Variants in ZNF483 observed in about 807,000 individuals in gnomAD.
The protein encoded by ZNF483 is zinc finger protein 483, also known as zinc finger protein HIT-10.
A neutral mutation model predicts 28.6 loss-of-function variants in ZNF483; 9 were observed. The observed-to-expected ratio is 0.32, with a 90% CI of 0.19 to 0.55. The LOEUF is 0.55. Among genes scored for constraint, ZNF483 ranks in the 20% least tolerant of loss-of-function variants. The pLI is 0.93. For missense variants in ZNF483, 675 were observed against 871.7 expected (o/e 0.77, Z 2.84); for synonymous variants, 322 against 306.2 (o/e 1.05, Z -0.54).
chr9:111,560,974 TAGAGAGAGAGAGAG>T (rs1172194603), intron 5 of ZNF483, among the ~76,000 whole-genome samples: 1 of 9,344 alleles, frequency 1.1e-4, no homozygotes, highest in Non-Finnish European at 1.9e-4. Flanking sequence ...TATATATATA[TAGAGAGAGAGAGAG>T]AGAGAGAGAG....
rs1217080163 is a variant in ZNF483 at position 111,552,101 on chromosome 9, TG to T, written c.*8932del. ...AAATTTAGCTTGTTCATATGCAGCG[TG>T]ATATTAGGGAGAAAATGTGAATCAC... On this transcript the variant is annotated 3_prime_UTR_variant, in exon 6 of 6. Transcript: ENST00000309235. Among the ~76,000 whole-genome samples the T allele has an allele frequency of 2.0e-5, 3 of 152,194 alleles. No individual in the cohort carries two copies. The highest frequency in any genetic ancestry group is 2.9e-5 in the Non-Finnish European group (2 of 68,028).
chr9:111,538,272 T>A (rs954261885), intron 5 of ZNF483, among the ~76,000 whole-genome samples: 1 of 151,920 alleles, frequency 6.6e-6, no homozygotes, highest in Admixed American at 6.6e-5. Context: ...CTCAACACTT[T>A]GGGAGGTCAA....
At chr9:111,572,756 CAAAAAA>C (rs58101079) in intron 5 of ZNF483, among the ~76,000 whole-genome samples, 79 of 63,502 alleles carry the variant, frequency 1.2e-3, no homozygotes, top group African/African-American at 4.5e-3. Flanking sequence ...GACCCTGTCT[CAAAAAA>C]AAAAAAAAAA....
In ZNF483 at chr9:111,534,198, G is replaced by A. The variant is rs1827420940; in HGVS notation, c.629-63G>A. The A allele has an allele frequency of 1.2e-5, 16 of 1,361,454 alleles. No individual in the cohort carries two copies. In the South Asian group the frequency reaches 1.9e-4, roughly 16 times the overall value. 84.3% of individuals were successfully genotyped at this position (1,361,454 alleles called of 1,614,324 possible). On this transcript the variant is annotated intron_variant, in intron 4 of 5. Coordinates refer to ENST00000309235, the MANE Select transcript of ZNF483 (RefSeq NM_133464.5). ...CCTTGGAGAACCAGAGGCTATATGT[G>A]AATGCTGGGATATCTTTACTCTATG...
intron 1 of ZNF483, among the ~76,000 whole-genome samples, chr9:111,525,868 G>A (rs944338270): frequency 1.1e-4 from 17 of 152,236 alleles, no homozygotes; most frequent in Non-Finnish European, 2.1e-4. Context: ...GCTGTACTCG[G>A]AAGTGGGTTG....
At chr9:111,531,591 G>A (rs750505094) in intron 3 of ZNF483, among the ~76,000 whole-genome samples, 6 of 152,170 alleles carry the variant, frequency 3.9e-5, no homozygotes, top group Non-Finnish European at 4.4e-5. Context: ...TGGCCAGGCT[G>A]ATCTCAAACT....
At position 111,545,610 on chromosome 9, in the gene ZNF483, G is replaced by C. The variant is rs1219277177; in HGVS notation, c.*2440G>C. ...TCTAATCCCAGGCACCCACTACTCA[G>C]TCGACTTTGTGTCTCTAGAGTTGTC... On this transcript the variant is annotated 3_prime_UTR_variant, in exon 6 of 6. Coordinates refer to ENST00000309235, the MANE Select transcript of ZNF483 (RefSeq NM_133464.5). 1.3e-5 allele frequency among the ~76,000 whole-genome samples: 2 copies of C among 152,088 alleles called. No homozygotes were observed. The highest frequency in any genetic ancestry group is 4.8e-5 in the African/African-American group (2 of 41,404).
chr9:111,559,481 A>G (rs1564606981), downstream of ZNF483, among the ~76,000 whole-genome samples: 1 of 151,928 alleles, frequency 6.6e-6, no homozygotes, highest in Non-Finnish European at 1.5e-5. Context: ...CATCTGGGAA[A>G]CCCTGCTATG....
At chr9:111,563,235 T>C (rs759819092) in intron 5 of ZNF483, 2 of 1,608,366 alleles carry the variant, frequency 1.2e-6, no homozygotes, top group Non-Finnish European at 1.7e-6. Flanking sequence ...TTTTACCCTG[T>C]ATCAAAGCAA....
chr9:111,542,411 G>C lies in ZNF483; in HGVS notation c.1476G>C (p.Glu492Asp). Residue 492 changes from glutamate to aspartate, a missense_variant, in exon 6 of 6, where the codon GAG (glutamate) becomes GAC (aspartate). Glu to Asp is a conservative substitution (Grantham distance 45, BLOSUM62 2). Transcript: ENST00000309235. This position sits in a 1 kb window ranked among gnomAD's most constrained non-coding sequence, Gnocchi z 6.2. ...CACATCATAGAACTCATAGTGGAGA[G>C]AAACCCTTCAAATGTGATGACTGTG... ...LTPHHRTHSGEKPFKCDDCGK... is the reference protein window; with the variant it reads ...LTPHHRTHSGDKPFKCDDCGK... The C allele has an allele frequency of 6.2e-7, 1 of 1,614,048 alleles. No individual in the cohort carries two copies. Among genetic ancestry groups the C allele is most frequent in the Non-Finnish European group, 8.5e-7 (1 of 1,180,000 alleles).
intron 5 of ZNF483, among the ~76,000 whole-genome samples, chr9:111,536,805 A>G (rs936052374): frequency 1.3e-5 from 2 of 152,042 alleles, no homozygotes; most frequent in Non-Finnish European, 2.9e-5. Flanking sequence ...CCTTATTGAT[A>G]ACATAAACAT....
Position 111,545,674 on chromosome 9 carries a change from G to GT in ZNF483, c.*2511dup, listed in dbSNP as rs887676377. ...TTTATGTTATATGTGATCTTTCTGT[G>GT]TTTTTTTCATTAATGTGTTTTAAGT... is the stretch of plus-strand genomic sequence containing the variant. On this transcript the variant is annotated 3_prime_UTR_variant, in exon 6 of 6. Coordinates refer to ENST00000309235, the MANE Select transcript of ZNF483 (RefSeq NM_133464.5). Among the ~76,000 whole-genome samples, 5 of 152,022 alleles carry GT rather than the reference G, an allele frequency of 3.3e-5. No individual in the cohort carries two copies. In the East Asian group the frequency reaches 5.8e-4, roughly 18 times the overall value.
At chr9:111,541,582 T>G in intron 5 of ZNF483, 75 bp from the exon 6 acceptor site, 2 of 1,190,918 alleles carry the variant, frequency 1.7e-6, no homozygotes, top group South Asian at 1.6e-5. Context: ...TATTAATGTG[T>G]TCCTATTTCA....
Position 111,551,772 on chromosome 9 carries a change from C to A in ZNF483, c.*8602C>A, listed in dbSNP as rs1186659939. 1.3e-5 allele frequency among the ~76,000 whole-genome samples: 2 copies of A among 152,078 alleles called. No homozygotes were observed. The highest frequency in any genetic ancestry group is 2.9e-5 in the Non-Finnish European group (2 of 68,022). ...TAGAAAAATTCATTTAATATCTAGGCAAAATTATATCACTTTCAAAACTTT... is the reference window on the plus strand; with the variant it reads ...TAGAAAAATTCATTTAATATCTAGGAAAAATTATATCACTTTCAAAACTTT... On this transcript the variant is annotated 3_prime_UTR_variant, in exon 6 of 6. Transcript: ENST00000309235.
chr9:111,577,123 A>G (rs557971796), exon 6 of ZNF483: 1 of 152,242 alleles, frequency 6.6e-6, no homozygotes, highest in African/African-American at 2.4e-5. Flanking sequence ...CTCACAAATA[A>G]CCTAGTTCAA....
intron 5 of ZNF483, among the ~76,000 whole-genome samples, chr9:111,536,598 C>T (rs1246106890): frequency 1.3e-5 from 2 of 152,122 alleles, no homozygotes; most frequent in African/African-American, 4.8e-5. Context: ...AAGCAATGAT[C>T]CATCTTGCTC....
At chr9:111,570,035 G>T in intron 5 of ZNF483, 2 of 1,607,288 alleles carry the variant, frequency 1.2e-6, no homozygotes, top group Non-Finnish European at 1.7e-6. Context: ...GCCTTGAGAG[G>T]CAAAGGGAGT....
rs1486684935 is a variant in ZNF483, at chr9:111,541,808, T to C, written c.873T>C (p.Leu291=). 6.2e-7 allele frequency: 1 copy of C among 1,614,108 alleles called. No individual in the cohort carries two copies. ...SKGRVAQNKT[L]GSGSRGKKFD... Reference sequence around the variant, plus strand: ...GAAGAGTCGCACAAAACAAAACTCTTGGGAGTGGCAGTAGGGGTAAGAAAT... The same window carrying C: ...GAAGAGTCGCACAAAACAAAACTCTCGGGAGTGGCAGTAGGGGTAAGAAAT... The change falls in exon 6 of 6, where the codon CTT becomes CTC. Residue 291 remains leucine (L), a synonymous_variant. Transcript: ENST00000309235.
rs1827875522 is a variant in ZNF483 at position 111,549,461 on chromosome 9, T to C, written c.*6291T>C. On this transcript the variant is annotated 3_prime_UTR_variant, in exon 6 of 6. Transcript: ENST00000309235. ...GTTGTGATTTCCAAGCAAAGTGTTTTTCACCCTGAGAAATTGGTGAGGTAT... is the reference window on the plus strand; with the variant it reads ...GTTGTGATTTCCAAGCAAAGTGTTTCTCACCCTGAGAAATTGGTGAGGTAT... Among the ~76,000 whole-genome samples, 1 of 152,212 alleles carries C rather than the reference T, an allele frequency of 6.6e-6. No individual in the cohort carries two copies. The highest frequency in any genetic ancestry group is 2.4e-5 in the African/African-American group (1 of 41,462).
Sources: allele counts gnomAD v4.1 joint callset (sites outside exome capture counted in the v4.1 genomes callset), GRCh38; gene constraint gnomAD v4.1.1; non-coding constraint Gnocchi (gnomAD v3.1); transcripts MANE v1.5; gene names NCBI Gene and HGNC (gene_info 2026-07-23, HGNC 2026-07-21).